Variants in EXOC2 observed in about 807,000 individuals in gnomAD.
EXOC2 encodes SEC5-like 1.
A neutral mutation model predicts 131.8 loss-of-function variants in EXOC2; 70 were observed. The observed-to-expected ratio is 0.53, with a 90% CI of 0.44 to 0.65. The LOEUF (loss-of-function observed/expected upper bound fraction) is 0.65. Ranked by LOEUF, EXOC2 falls within the 30% of genes least tolerant of loss-of-function variation. The pLI is 0.00. For missense variants in EXOC2, 923 were observed against 1,108.6 expected, an observed-to-expected ratio of 0.83 and a Z score of 2.38; for synonymous variants, 411 against 398.4, an observed-to-expected ratio of 1.03 and a Z score of -0.38.
At chr6:659,269 A>G (rs1763303977) in intron 1 of EXOC2, among the ~76,000 whole-genome samples, 1 of 152,230 alleles carries the variant, frequency 6.6e-6, no homozygotes, top group Non-Finnish European at 1.5e-5. Context: ...GGTGCCAGAA[A>G]GCATCTTTGT....
intron 11 of EXOC2, among the ~76,000 whole-genome samples, chr6:585,189 CA>C (rs1223482145): frequency 1.3e-5 from 2 of 152,190 alleles, no homozygotes; most frequent in Non-Finnish European, 2.9e-5. Flanking sequence ...ACTCTTCCAT[CA>C]GTATTTAGAA....
At position 637,695 on chromosome 6, in the gene EXOC2, C is replaced by T. The variant is rs763075115; in HGVS notation, c.118+6G>A. 3.1e-6 allele frequency: 5 copies of T among 1,609,762 alleles called. No individual in the cohort carries two copies. The highest frequency in any genetic ancestry group is 1.3e-5 in the African/African-American group (1 of 74,636). On this transcript the variant is annotated splice_donor_region_variant and intron_variant, in intron 2 of 27. Coordinates refer to ENST00000230449, the MANE Select transcript of EXOC2 (RefSeq NM_018303.6). ...GCAGGGTGCGTCGCAGGGCCTCTGC[C>T]CTTACCTATGAGGTCGGTGGGGCCA...
intron 1 of EXOC2, among the ~76,000 whole-genome samples, chr6:690,576 G>A (rs914557381): frequency 1.3e-5 from 2 of 151,480 alleles, no homozygotes; most frequent in East Asian, 2.0e-4. Context: ...GGTGACGGGC[G>A]CCTGTAGTCC....
chr6:499,632 AATG>A lies in EXOC2; in HGVS notation c.2436+10_2436+12del, dbSNP rs1322005940. 1 of 1,609,396 alleles carries A rather than the reference AATG, an allele frequency of 6.2e-7. No individual in the cohort carries two copies. The highest frequency in any genetic ancestry group is 8.5e-7 in the Non-Finnish European group (1 of 1,176,240). On this transcript the variant is annotated intron_variant, in intron 24 of 27. Coordinates refer to ENST00000230449, the MANE Select transcript of EXOC2 (RefSeq NM_018303.6). ...TTATCCATATCTCTTAGGAACATCT[AATG>A]ATACTTTACCTCTGCATGCACGGCA...
At chr6:524,813 T>C (rs757510299) in intron 23 of EXOC2, 22 of 152,196 alleles carry the variant, frequency 1.4e-4, no homozygotes, top group Non-Finnish European at 2.5e-4. Context: ...CCCAAAAAGT[T>C]TGTCTTTTCT....
intron 1 of EXOC2, among the ~76,000 whole-genome samples, chr6:690,996 A>T (rs1046699028): frequency 2.6e-5 from 4 of 152,184 alleles, no homozygotes; most frequent in African/African-American, 9.7e-5. Context: ...ATAAACATTT[A>T]AGCACCTACT....
In EXOC2 at chr6:625,387, G is replaced by T. The variant is rs571872266; in HGVS notation, c.422+4448C>A. 2.6e-5 allele frequency among the ~76,000 whole-genome samples: 4 copies of T among 152,372 alleles called. No homozygotes were observed. In the South Asian group the frequency reaches 8.3e-4, roughly 32 times the overall value. On this transcript the variant is annotated intron_variant, in intron 4 of 27. Coordinates refer to ENST00000230449, the MANE Select transcript of EXOC2 (RefSeq NM_018303.6). ...TGATTTGGCGGATGGAAGACGGAGG[G>T]GGGAGGCCAACAGTGAAAGTGGGCA...
At chr6:534,239 C>A (rs1448583414) in intron 22 of EXOC2, among the ~76,000 whole-genome samples, 1 of 152,058 alleles carries the variant, frequency 6.6e-6, no homozygotes. Flanking sequence ...TAAAGAAATA[C>A]AAGCAGATAG....
chr6:552,373 ATT>A (rs1757193105), intron 21 of EXOC2, among the ~76,000 whole-genome samples: 1 of 152,116 alleles, frequency 6.6e-6, no homozygotes, highest in African/African-American at 2.4e-5. Context: ...AGCTGACCTC[ATT>A]TTGGGGTGGC....
In EXOC2 at chr6:630,177, C is replaced by T. The variant is rs149647980; in HGVS notation, c.296-216G>A. On this transcript the variant is annotated intron_variant, in intron 3 of 27. Coordinates refer to ENST00000230449, the MANE Select transcript of EXOC2 (RefSeq NM_018303.6). ...TTATAAAAAGGCAAAAATTACACCT[C>T]TCAGCTTATGGTTTCATTGTACATT... 1.4e-4 allele frequency among the ~76,000 whole-genome samples: 22 copies of T among 152,310 alleles called. No homozygotes were observed. The East Asian group carries it at 3.7e-3, about 25-fold the overall frequency.
rs533997182 is a variant in EXOC2 at position 622,319 on chromosome 6, A to G, written c.423-2776T>C. ...AACAGTCTTCACACCTGATTTAAGTACAAGACATCCTCATCCAGCAGGGAT... is the reference window on the plus strand; with the variant it reads ...AACAGTCTTCACACCTGATTTAAGTGCAAGACATCCTCATCCAGCAGGGAT... On this transcript the variant is annotated intron_variant, in intron 4 of 27. Coordinates refer to ENST00000230449, the MANE Select transcript of EXOC2 (RefSeq NM_018303.6). Among the ~76,000 whole-genome samples the G allele has an allele frequency of 4.6e-5, 7 of 152,348 alleles. No homozygotes were observed. In the South Asian group the frequency reaches 1.4e-3, roughly 32 times the overall value.
intron 23 of EXOC2, among the ~76,000 whole-genome samples, chr6:503,866 G>A (rs1403416211): frequency 3.3e-5 from 5 of 152,088 alleles, no homozygotes; most frequent in Non-Finnish European, 5.9e-5. Flanking sequence ...CCGCACCCTC[G>A]CCTTCCTCCT....
chr6:530,846 T>G (rs1766032670), intron 23 of EXOC2, among the ~76,000 whole-genome samples: 1 of 152,264 alleles, frequency 6.6e-6, no homozygotes, highest in African/African-American at 2.4e-5. Flanking sequence ...TGGCTGCATC[T>G]GTACTGAGCA....
intron 1 of EXOC2, among the ~76,000 whole-genome samples, chr6:688,199 G>A (rs944093088): frequency 1.3e-5 from 2 of 152,204 alleles, no homozygotes; most frequent in African/African-American, 4.8e-5. Context: ...TGAAAGGTTC[G>A]AAAAGCGTGA....
Position 585,474 on chromosome 6 carries a change from G to C in EXOC2, c.1192+6995C>G, listed in dbSNP as rs148705006. ...CGAGTCCAGACAAGGATCTAATGCA[G>C]GACTCATAGAATTATCAACTGTACG... On this transcript the variant is annotated intron_variant, in intron 11 of 27. Coordinates refer to ENST00000230449, the MANE Select transcript of EXOC2 (RefSeq NM_018303.6). Among the ~76,000 whole-genome samples, 448 of 152,288 alleles carry C rather than the reference G, an allele frequency of 2.9e-3. 1 individual carries two copies. Among genetic ancestry groups the C allele is most frequent in the African/African-American group, 0.01 (427 of 41,546 alleles).
intron 1 of EXOC2, among the ~76,000 whole-genome samples, chr6:653,510 C>A (rs6597176): frequency 0.12 from 17,539 of 152,188 alleles, 1,298 homozygotes; most frequent in African/African-American, 0.19. Context: ...AAGCCAAAAC[C>A]TAACCCAGTG....
intron 23 of EXOC2, among the ~76,000 whole-genome samples, chr6:522,933 G>A (rs889289071): frequency 1.8e-4 from 28 of 152,246 alleles, no homozygotes; most frequent in Middle Eastern, 3.2e-3. Context: ...CACATGACCA[G>A]TACTAAAGCT....
Position 598,753 on chromosome 6 carries a change from C to T in EXOC2, c.970+107G>A, listed in dbSNP as rs552168995. On this transcript the variant is annotated intron_variant, in intron 9 of 27. Coordinates refer to ENST00000230449, the MANE Select transcript of EXOC2 (RefSeq NM_018303.6). ...TTGCTTTACATTGTAAAGAGAGCCT[C>T]ATATAAACAAAAACTAAAAACTCAT... 69 of 824,504 alleles carry T rather than the reference C, an allele frequency of 8.4e-5. No individual in the cohort carries two copies. In the South Asian group the frequency reaches 1.2e-3, roughly 15 times the overall value. The allele number at this position is 824,504 out of a possible 1,614,324, so 51.1% of individuals were successfully genotyped here. A position where few individuals can be genotyped will look rare whatever the true frequency, so the allele number is the denominator to read the frequency against.
rs1218275238 is a variant in EXOC2, at chr6:676,146, A to G, written c.-44+16873T>C. 7.6e-5 allele frequency among the ~76,000 whole-genome samples: 5 copies of G among 65,936 alleles called. 1 individual carries two copies. Among genetic ancestry groups the G allele is most frequent in the African/African-American group, 2.2e-4 (5 of 23,080 alleles). The allele number at this position is 65,936 out of a possible 152,430, so 43.3% of individuals were successfully genotyped here. A position where few individuals can be genotyped will look rare whatever the true frequency, so the allele number is the denominator to read the frequency against. ...TCCTCTGGAGACTCTGAGGTTCCCC[A>G]TACTCTTCAACATTACGGAAAGGAC... On this transcript the variant is annotated intron_variant, in intron 1 of 27. Transcript: ENST00000230449.
Sources: allele counts gnomAD v4.1 joint callset (sites outside exome capture counted in the v4.1 genomes callset), GRCh38; gene constraint gnomAD v4.1.1; transcripts MANE v1.5; gene names NCBI Gene and HGNC (gene_info 2026-07-23, HGNC 2026-07-21).